GAS7: variants seen among roughly 807,000 people sequenced by gnomAD.
GAS7 encodes growth arrest-specific protein 7.
Under a neutral mutation model 71.1 loss-of-function variants are expected in GAS7, and 28 were observed. The observed-to-expected ratio is 0.39, with a 90% confidence interval of 0.29 to 0.54. The LOEUF (loss-of-function observed/expected upper bound fraction) is 0.54, where lower values mean the gene tolerates loss of function less well. Among genes scored for constraint, GAS7 ranks in the 20% least tolerant of loss-of-function variants. The probability of loss-of-function intolerance (pLI) is 0.62; values close to 1 mark genes in which losing one functional copy is unlikely to be tolerated. For synonymous variants in GAS7, 258 were observed against 245.8 expected, an observed-to-expected ratio of 1.05 and a Z score of -0.46; for missense variants, 436 against 627.8, an observed-to-expected ratio of 0.69 and a Z score of 3.27.
intron 1 of GAS7, among the ~76,000 whole-genome samples, chr17:10,053,429 G>T (rs998203355): frequency 6.6e-6 from 1 of 152,140 alleles, no homozygotes; most frequent in Non-Finnish European, 1.5e-5. Context: ...GTACATGTGT[G>T]GCTGGCTCTT....
At position 10,046,395 on chromosome 17, in the gene GAS7, GA is replaced by G. The variant is rs199532580; in HGVS notation, c.184-26499del. On this transcript the variant is annotated intron_variant, in intron 1 of 13. Coordinates refer to ENST00000432992, the MANE Select transcript of GAS7 (RefSeq NM_201433.2). ...CCAAAAATGACAAACAGAATCGGAG[GA>G]AAAAAAAAAAAACTCGAGAACCATG... Among the ~76,000 whole-genome samples the G allele has an allele frequency of 2.8e-4, 38 of 137,152 alleles. 1 individual carries two copies. The Middle Eastern group carries it at 0.011, about 40-fold the overall frequency. The allele number at this position is 137,152 out of a possible 152,430, so 90.0% of individuals were successfully genotyped here. A position where few individuals can be genotyped will look rare whatever the true frequency, so the allele number is the denominator to read the frequency against.
At position 10,180,388 on chromosome 17, in the gene GAS7, C is replaced by T. The variant is rs1044530986; in HGVS notation, c.183+17820G>A. Among the ~76,000 whole-genome samples, 8 of 150,450 alleles carry T rather than the reference C, an allele frequency of 5.3e-5. No individual in the cohort carries two copies. In the South Asian group the frequency reaches 6.3e-4, roughly 12 times the overall value. ...GGTAGAAGTTAAGGTAAATAATATG[C>T]CTAAAGTCTCATACAGCCAGCATGC... On this transcript the variant is annotated intron_variant, in intron 1 of 13. Transcript: ENST00000432992.
chr17:9,950,735 A>T (rs968987939), intron 5 of GAS7, among the ~76,000 whole-genome samples: 65 of 152,190 alleles, frequency 4.3e-4, no homozygotes, highest in Non-Finnish European at 6.2e-4. Flanking sequence ...GGGCGCCTGT[A>T]ATCCCAGCTA....
At chr17:10,070,567 T>C (rs898940092) in intron 1 of GAS7, among the ~76,000 whole-genome samples, 3 of 151,954 alleles carry the variant, frequency 2.0e-5, no homozygotes, top group Non-Finnish European at 4.4e-5. Flanking sequence ...TTTCACCATG[T>C]TCGCCAGGCT....
Position 9,917,173 on chromosome 17 carries a change from G to C in GAS7, c.*55C>G. 1 of 1,078,268 alleles carries C rather than the reference G, an allele frequency of 9.3e-7. No individual in the cohort carries two copies. Among genetic ancestry groups the C allele is most frequent in the Non-Finnish European group, 1.4e-6 (1 of 691,392 alleles). 66.8% of individuals were successfully genotyped at this position (1,078,268 alleles called of 1,614,324 possible). The stretch of plus-strand genomic sequence containing the variant: ...GGCATCCACTCGGCATGGGCCCCAT[G>C]GTGGGAGCCCAGCCCCCCTCCCCAG... On this transcript the variant is annotated 3_prime_UTR_variant, in exon 14 of 14. Transcript: ENST00000432992.
chr17:10,085,691 C>CAAAAAAAAAAAAAAAAA (rs1194345705), intron 1 of GAS7, among the ~76,000 whole-genome samples: 1 of 58,246 alleles, frequency 1.7e-5, no homozygotes, highest in African/African-American at 6.8e-5. Context: ...GATTCCGTCT[C>CAAAAAAAAAAAAAAAAA]AAAAAAAAAA....
chr17:9,921,354 A>C (rs2067801160), intron 11 of GAS7, among the ~76,000 whole-genome samples: 1 of 151,574 alleles, frequency 6.6e-6, no homozygotes, highest in African/African-American at 2.4e-5. Context: ...ATGGGGTTTC[A>C]CCATATCGGC....
At chr17:10,161,397 C>G (rs529505444) in intron 1 of GAS7, among the ~76,000 whole-genome samples, 4 of 152,316 alleles carry the variant, frequency 2.6e-5, no homozygotes, top group African/African-American at 9.6e-5. Flanking sequence ...TTCCAATGAA[C>G]CCACTGCATC....
intron 1 of GAS7, among the ~76,000 whole-genome samples, chr17:10,043,892 C>T (rs2072908685): frequency 6.6e-6 from 1 of 152,136 alleles, no homozygotes; most frequent in African/African-American, 2.4e-5. Flanking sequence ...AAGATTGCTC[C>T]ACTGCACTCC....
At chr17:10,010,450 C>T (rs1597679803) in intron 2 of GAS7, among the ~76,000 whole-genome samples, 1 of 152,116 alleles carries the variant, frequency 6.6e-6, no homozygotes, top group Non-Finnish European at 1.5e-5. Flanking sequence ...CCGCGCCCAG[C>T]CTGATTCTAT....
intron 1 of GAS7, among the ~76,000 whole-genome samples, chr17:10,032,665 A>T (rs8077488): frequency 6.6e-6 from 1 of 152,004 alleles, no homozygotes; most frequent in Non-Finnish European, 1.5e-5. Context: ...CAGCTTCCAA[A>T]AACAGCAGCC....
At chr17:9,949,544 G>C (rs1412834047) in intron 5 of GAS7, among the ~76,000 whole-genome samples, 1 of 152,152 alleles carries the variant, frequency 6.6e-6, no homozygotes, top group African/African-American at 2.4e-5. Flanking sequence ...CCAGGGCACA[G>C]ACCTCAGTCG....
intron 1 of GAS7, among the ~76,000 whole-genome samples, chr17:10,058,620 C>T (rs1385585589): frequency 2.6e-5 from 4 of 152,318 alleles, no homozygotes; most frequent in East Asian, 1.9e-4. Flanking sequence ...GTTCTGATAC[C>T]GGTGCCATCC....
intron 1 of GAS7, among the ~76,000 whole-genome samples, chr17:10,053,981 TA>T (rs1225953539): frequency 6.6e-6 from 1 of 152,188 alleles, no homozygotes; most frequent in Non-Finnish European, 1.5e-5. Context: ...ACCATCCAAC[TA>T]TCTGAATTTC....
chr17:10,167,398 G>A (rs1317245239), intron 1 of GAS7, among the ~76,000 whole-genome samples: 4 of 152,194 alleles, frequency 2.6e-5, no homozygotes, highest in South Asian at 4.2e-4. Flanking sequence ...TGTAAACTTC[G>A]GTTTTCTCAT....
At chr17:9,944,782 C>T (rs1369366767) in intron 6 of GAS7, among the ~76,000 whole-genome samples, 1 of 152,186 alleles carries the variant, frequency 6.6e-6, no homozygotes, top group African/African-American at 2.4e-5. Flanking sequence ...TCTACGAATG[C>T]TACATCTTGA....
intron 1 of GAS7, among the ~76,000 whole-genome samples, chr17:10,128,682 T>C (rs2073971892): frequency 6.6e-6 from 1 of 151,382 alleles, no homozygotes; most frequent in Non-Finnish European, 1.5e-5. Context: ...TGCAGCGGCG[T>C]GATCTCGGCT....
chr17:10,065,113 T>C (rs563232303), intron 1 of GAS7, among the ~76,000 whole-genome samples: 1 of 152,204 alleles, frequency 6.6e-6, no homozygotes, highest in African/African-American at 2.4e-5. Flanking sequence ...TAAGCCTGAA[T>C]AGGATTTCTG....
intron 1 of GAS7, among the ~76,000 whole-genome samples, chr17:10,082,515 G>A (rs1392050252): frequency 6.6e-6 from 1 of 152,192 alleles, no homozygotes; most frequent in Non-Finnish European, 1.5e-5. Context: ...TGGCAAGGAG[G>A]TAGAACAACA....
Sources: gnomAD v4.1 joint callset for allele counts (sites outside exome capture counted in the v4.1 genomes callset) on GRCh38, gnomAD v4.1.1 for gene constraint, MANE v1.5 for transcripts, NCBI Gene and HGNC (gene_info 2026-07-23, HGNC 2026-07-21) for gene names.